The following POC5 variants were observed in gnomAD, a reference collection of about 807,000 sequenced individuals.
POC5 encodes the protein POC5 centriolar protein.
Under a neutral mutation model 62.9 loss-of-function variants are expected in POC5, and 48 were observed. The observed-to-expected ratio is 0.76, with a 90% CI of 0.61 to 0.97. The LOEUF (loss-of-function observed/expected upper bound fraction) is 0.97, where lower values mean the gene tolerates loss of function less well. Among genes scored for constraint, POC5 ranks in the 50% least tolerant of loss-of-function variants. POC5 has a pLI of 0.00. For synonymous variants in POC5, 236 were observed against 228.2 expected, an observed-to-expected ratio of 1.03 and a Z score of -0.31; for missense variants, 696 against 679.5, an observed-to-expected ratio of 1.02 and a Z score of -0.27.
chr5:75,674,267 A>C lies in POC5; in HGVS notation c.*168T>G, dbSNP rs982892631. 2.3e-5 allele frequency: 12 copies of C among 511,696 alleles called. No individual in the cohort carries two copies. The highest frequency in any genetic ancestry group is 3.8e-5 in the Non-Finnish European group (12 of 312,356). 31.7% of individuals were successfully genotyped at this position (511,696 alleles called of 1,614,324 possible). A position where few individuals can be genotyped will look rare whatever the true frequency, so the allele number is the denominator to read the frequency against. Reference sequence around the variant, plus strand: ...AAAATAACATTAAAATAATTTCTACATATAGTTACAAAGCATGGTAGAGCT... The same window carrying C: ...AAAATAACATTAAAATAATTTCTACCTATAGTTACAAAGCATGGTAGAGCT... On this transcript the variant is annotated 3_prime_UTR_variant, in exon 12 of 12. Transcript: ENST00000428202.
At chr5:75,677,637 ACTGTAACAGG>A in intron 11 of POC5, 127 bp downstream of exon 11, 1 of 554,944 alleles carries the variant, frequency 1.8e-6, no homozygotes, top group South Asian at 9.6e-5. Flanking sequence ...AAAAAAAAAA[ACTGTAACAGG>A]AAAAGGCAGA....
chr5:75,687,047 T>C (rs1776122036), intron 9 of POC5, among the ~76,000 whole-genome samples: 1 of 141,320 alleles, frequency 7.1e-6, no homozygotes, highest in South Asian at 2.4e-4. Context: ...ATTTTTTTTT[T>C]TGTGAGATAG....
intron 1 of POC5, among the ~76,000 whole-genome samples, chr5:75,716,385 G>GT (rs1296210791): frequency 1.4e-4 from 5 of 36,830 alleles, no homozygotes; most frequent in East Asian, 1.0e-3. Context: ...AACAGGGGTG[G>GT]GGGGGGGGGG....
At chr5:75,675,053 T>G (rs961108350) in intron 11 of POC5, among the ~76,000 whole-genome samples, 1 of 152,160 alleles carries the variant, frequency 6.6e-6, no homozygotes, top group Non-Finnish European at 1.5e-5. Context: ...GTCTGGTCCT[T>G]GCTTTAAACC....
Position 75,674,453 on chromosome 5 carries a change from G to A in POC5, c.1710C>T (p.Ser570=). 1 of 1,613,882 alleles carries A rather than the reference G, an allele frequency of 6.2e-7. No homozygotes were observed. The highest frequency in any genetic ancestry group is 8.5e-7 in the Non-Finnish European group (1 of 1,179,818). ...ATTCACTTTAGTCAACCACTTTTAT[G>A]GAATGAACACTTGTGAGAGACTGGG... ...AHTQSLTSVH[S]IKVVD is the part of the protein sequence containing the mutation. The change falls in exon 12 of 12, where the codon TCC becomes TCT. Residue 570 remains serine (S), a synonymous_variant. Coordinates refer to ENST00000428202, the MANE Select transcript of POC5 (RefSeq NM_001099271.2).
intron 5 of POC5, among the ~76,000 whole-genome samples, chr5:75,695,122 T>C (rs1298386776): frequency 6.6e-6 from 1 of 152,226 alleles, no homozygotes; most frequent in Non-Finnish European, 1.5e-5. Flanking sequence ...GTTCCTTTGT[T>C]TATTCAAGGA....
At position 75,674,470 on chromosome 5, in the gene POC5, G is replaced by A. The variant is rs1775577346; in HGVS notation, c.1693C>T (p.Leu565Phe). The A allele has an allele frequency of 6.2e-7, 1 of 1,614,012 alleles. No homozygotes were observed. ...LGTRSAHTQS[L>F]TSVHSIKVVD ...ACTTTTATGGAATGAACACTTGTGA[G>A]AGACTGGGTGTGAGCTGATCTGGTT... is the stretch of plus-strand genomic sequence containing the variant. The change falls in exon 12 of 12, where the codon CTC (leucine) becomes TTC (phenylalanine). Residue 565 changes from leucine (L) to phenylalanine (F), a missense_variant. Physicochemically the swap from Leu to Phe is conservative, Grantham distance 22. Transcript: ENST00000428202.
chr5:75,715,715 A>G (rs1477275432), intron 1 of POC5, among the ~76,000 whole-genome samples: 1 of 152,180 alleles, frequency 6.6e-6, no homozygotes, highest in East Asian at 1.9e-4. Context: ...ATTTTTCTAG[A>G]AAGAAGATCT....
intron 1 of POC5, among the ~76,000 whole-genome samples, chr5:75,716,302 T>C (rs1446824130): frequency 6.8e-6 from 1 of 146,240 alleles, no homozygotes; most frequent in Non-Finnish European, 1.5e-5. Context: ...TGACTTCAAA[T>C]CTACCACTGT....
At chr5:75,711,460 TAAA>T (rs1353065208) in intron 2 of POC5, among the ~76,000 whole-genome samples, 5 of 152,210 alleles carry the variant, frequency 3.3e-5, no homozygotes, top group Admixed American at 6.5e-5. Flanking sequence ...AGCATTCGCA[TAAA>T]AAGAGAGTAA....
At chr5:75,698,371 T>G (rs1187683689) in intron 5 of POC5, among the ~76,000 whole-genome samples, 1 of 152,000 alleles carries the variant, frequency 6.6e-6, no homozygotes, top group African/African-American at 2.4e-5. Flanking sequence ...AAACTATCTC[T>G]CAGACCACAT....
At position 75,685,435 on chromosome 5, in the gene POC5, T is replaced by C. The variant is rs558228122; in HGVS notation, c.1179A>G (p.Gln393=). ...NKKEEYGPGV[Q]GKEHSAHLDP... is the part of the protein sequence containing the mutation. ...CCAAATGAGCAGAATGTTCTTTTCC[T>C]TGAACACCAGGACCATACTCTTCCT... Residue 393 remains glutamine, a synonymous_variant, in exon 10 of 12, where the codon CAA becomes CAG. Transcript: ENST00000428202. 1.9e-6 allele frequency: 3 copies of C among 1,613,760 alleles called. No homozygotes were observed. The African/African-American group carries it at 4.0e-5, about 22-fold the overall frequency.
intron 8 of POC5, among the ~76,000 whole-genome samples, chr5:75,690,170 C>T (rs373464130): frequency 7.0e-4 from 107 of 152,244 alleles, no homozygotes; most frequent in Non-Finnish European, 1.2e-3. Context: ...TGAGGCACCG[C>T]GCCCAACTAA....
At chr5:75,696,173 C>G (rs1261960460) in intron 5 of POC5, 1 of 158,364 alleles carries the variant, frequency 6.3e-6, no homozygotes, top group Non-Finnish European at 1.4e-5. Flanking sequence ...CTTAGGTAAA[C>G]AAAGCAGCCC....
chr5:75,702,016 A>G (rs16872788), intron 5 of POC5, among the ~76,000 whole-genome samples: 5,016 of 152,242 alleles, frequency 0.033, 272 homozygotes, highest in African/African-American at 0.11. Flanking sequence ...GTGAAATTCA[A>G]TGGAGCATGT....
chr5:75,714,068 G>A (rs1777454251), intron 1 of POC5, among the ~76,000 whole-genome samples: 1 of 152,210 alleles, frequency 6.6e-6, no homozygotes, highest in African/African-American at 2.4e-5. Context: ...CAGCAGCGTT[G>A]AGGATGAATT....
At chr5:75,697,335 C>T (rs1297000483) in intron 5 of POC5, among the ~76,000 whole-genome samples, 1 of 152,058 alleles carries the variant, frequency 6.6e-6, no homozygotes, top group Non-Finnish European at 1.5e-5. Flanking sequence ...AAAGGGAAGC[C>T]CATCAGACTA....
intron 10 of POC5, among the ~76,000 whole-genome samples, chr5:75,680,104 T>C (rs996801610): frequency 1.3e-5 from 2 of 152,166 alleles, no homozygotes; most frequent in African/African-American, 4.8e-5. Flanking sequence ...GTCCTATTAC[T>C]TATTACAATA....
At chr5:75,691,998 A>G (rs192227838) in intron 7 of POC5, among the ~76,000 whole-genome samples, 2 of 152,314 alleles carry the variant, frequency 1.3e-5, no homozygotes, top group Admixed American at 6.5e-5. Flanking sequence ...TAATGTATAA[A>G]TATAGTAAAG....
Sources: gnomAD v4.1 joint callset for allele counts (sites outside exome capture counted in the v4.1 genomes callset) on GRCh38, gnomAD v4.1.1 for gene constraint, MANE v1.5 for transcripts, NCBI Gene and HGNC (gene_info 2026-07-23, HGNC 2026-07-21) for gene names.